DLGAP1: variants seen among roughly 807,000 people sequenced by gnomAD.
The protein encoded by DLGAP1 is disks large-associated protein 1.
In DLGAP1, 11 loss-of-function variants were observed where a neutral mutation model predicts 90.8. The observed-to-expected ratio is 0.12, with a 90% CI of 0.08 to 0.20. The LOEUF (loss-of-function observed/expected upper bound fraction) is 0.20, where lower values mean the gene tolerates loss of function less well. Among genes scored for constraint, DLGAP1 ranks in the 10% least tolerant of loss-of-function variants. The pLI is 1.00. For missense variants in DLGAP1, 1,050 were observed against 1,333.8 expected (o/e 0.79, Z 3.31); for synonymous variants, 558 against 540.7 (o/e 1.03, Z -0.44).
At chr18:4,073,891 A>G (rs1389297336) in intron 2 of DLGAP1, among the ~76,000 whole-genome samples, 1 of 152,168 alleles carries the variant, frequency 6.6e-6, no homozygotes, top group Non-Finnish European at 1.5e-5. Context: ...CAACCAATTA[A>G]GACTTTTTAA....
chr18:3,943,419 A>G (rs898208965), intron 3 of DLGAP1, among the ~76,000 whole-genome samples: 4 of 151,162 alleles, frequency 2.6e-5, no homozygotes, highest in African/African-American at 9.7e-5. Context: ...ATAAACTGCA[A>G]AGATGGAGGA....
intron 7 of DLGAP1, among the ~76,000 whole-genome samples, chr18:3,665,940 G>C (rs1424895623): frequency 1.3e-5 from 2 of 152,166 alleles, no homozygotes; most frequent in Non-Finnish European, 2.9e-5. Flanking sequence ...CTCATCCTTG[G>C]AGGTTAAGGG....
chr18:3,878,661 A>C (rs2148823041), intron 4 of DLGAP1, among the ~76,000 whole-genome samples: 1 of 152,290 alleles, frequency 6.6e-6, no homozygotes, highest in South Asian at 2.1e-4. Context: ...ACATAGCTTC[A>C]GGCAGGATTT....
chr18:3,925,090 C>T (rs1479398836), intron 3 of DLGAP1, among the ~76,000 whole-genome samples: 4 of 151,934 alleles, frequency 2.6e-5, no homozygotes, highest in Non-Finnish European at 5.9e-5. Flanking sequence ...GTAGCTAGGA[C>T]TACAGGCGTG....
Position 3,729,462 on chromosome 18 carries a change from A to G in DLGAP1, c.1351-87T>C. ...AGCATCTGCGAACTTCAATCCCCAG[A>G]AGAAAAAGCAGCGTCTGGTTAGATT... On this transcript the variant is annotated intron_variant, in intron 6 of 12. Transcript: ENST00000315677. The surrounding 1 kb of genome is among the most constrained non-coding windows in gnomAD (Gnocchi z 6.2). 6.6e-7 allele frequency: 1 copy of G among 1,520,578 alleles called. No homozygotes were observed. The highest frequency in any genetic ancestry group is 8.9e-7 in the Non-Finnish European group (1 of 1,128,242). 94.2% of individuals were successfully genotyped at this position (1,520,578 alleles called of 1,614,324 possible). A position where few individuals can be genotyped will look rare whatever the true frequency, so the allele number is the denominator to read the frequency against.
At chr18:4,169,326 A>G (rs891052319) in intron 1 of DLGAP1, among the ~76,000 whole-genome samples, 1 of 152,200 alleles carries the variant, frequency 6.6e-6, no homozygotes, top group African/African-American at 2.4e-5. Context: ...TTCTTAATGT[A>G]TATTTCCCTA....
chr18:3,628,580 G>C (rs532135642), intron 7 of DLGAP1, among the ~76,000 whole-genome samples: 1 of 152,028 alleles, frequency 6.6e-6, no homozygotes, highest in East Asian at 1.9e-4. Flanking sequence ...CACATTCCCC[G>C]TGCATCTTTT....
At chr18:4,296,649 A>G (rs1361552958) in intron 1 of DLGAP1, among the ~76,000 whole-genome samples, 4 of 152,230 alleles carry the variant, frequency 2.6e-5, no homozygotes, top group Admixed American at 6.5e-5. Flanking sequence ...TGTAACGTCT[A>G]CATTCTCTGG....
intron 2 of DLGAP1, among the ~76,000 whole-genome samples, chr18:4,032,480 T>C (rs1379965403): frequency 6.6e-6 from 1 of 152,166 alleles, no homozygotes; most frequent in Non-Finnish European, 1.5e-5. Context: ...CAAAGCTAAG[T>C]CCAGGTTTCT....
chr18:4,228,026 C>A (rs1167677336), intron 1 of DLGAP1, among the ~76,000 whole-genome samples: 1 of 151,380 alleles, frequency 6.6e-6, no homozygotes, highest in Non-Finnish European at 1.5e-5. Context: ...GACTTTCAAC[C>A]CAATACCACT....
intron 7 of DLGAP1, among the ~76,000 whole-genome samples, chr18:3,669,050 T>C (rs1273723297): frequency 6.6e-6 from 1 of 151,932 alleles, no homozygotes; most frequent in Non-Finnish European, 1.5e-5. Context: ...ATGTTAATAT[T>C]CGTACAGCAT....
chr18:3,741,222 TCACCATCACCAC>T (rs2062993939), intron 6 of DLGAP1, among the ~76,000 whole-genome samples: 2 of 51,922 alleles, frequency 3.9e-5, no homozygotes, highest in Non-Finnish European at 7.0e-5. Flanking sequence ...CACCACCACA[TCACCATCACCAC>T]CACCACCATC....
At position 3,548,628 on chromosome 18, in the gene DLGAP1, G is replaced by A. The variant is rs530452675; in HGVS notation, c.2058-14013C>T. 4.3e-4 allele frequency among the ~76,000 whole-genome samples: 65 copies of A among 152,242 alleles called. No individual in the cohort carries two copies. The Middle Eastern group carries it at 0.024, about 56-fold the overall frequency. On this transcript the variant is annotated intron_variant, in intron 9 of 12. Transcript: ENST00000315677. ...CAAAAAATACAAAAATTAGCTGGGC[G>A]TGGTGGTACACCTCGGATCGCGCCA...
Position 4,333,659 on chromosome 18 carries a change from A to T in DLGAP1, c.-267+121347T>A, listed in dbSNP as rs59268899. ...TTTTGAAACAGAGTCTCGCTCTGTC[A>T]CCTAGGCTGGAGTGCAGTGGTGTGA... On this transcript the variant is annotated intron_variant, in intron 1 of 12. Coordinates refer to ENST00000315677, the MANE Select transcript of DLGAP1 (RefSeq NM_004746.4). Among the ~76,000 whole-genome samples the T allele has an allele frequency of 4.9e-3, 717 of 147,114 alleles. 17 individuals are homozygous for T. Among genetic ancestry groups the T allele is most frequent in the African/African-American group, 0.017 (673 of 39,620 alleles).
In DLGAP1 at chr18:3,497,600, T is replaced by G. The variant is rs1305964014; in HGVS notation, c.*1585A>C. ...TTAAAAAGCTTCTCTGGTGCAAGCATGTTTGATGTATGTTTTTAAAAGTCT... is the reference window on the plus strand; with the variant it reads ...TTAAAAAGCTTCTCTGGTGCAAGCAGGTTTGATGTATGTTTTTAAAAGTCT... On this transcript the variant is annotated 3_prime_UTR_variant, in exon 13 of 13. Coordinates refer to ENST00000315677, the MANE Select transcript of DLGAP1 (RefSeq NM_004746.4). 1.3e-5 allele frequency: 2 copies of G among 152,252 alleles called. No homozygotes were observed. The allele number at this position is 152,252 out of a possible 1,614,324, so 9.4% of individuals were successfully genotyped here. A position where few individuals can be genotyped will look rare whatever the true frequency, so the allele number is the denominator to read the frequency against.
At chr18:4,082,202 CG>C (rs1426026725) in intron 2 of DLGAP1, among the ~76,000 whole-genome samples, 3 of 151,706 alleles carry the variant, frequency 2.0e-5, no homozygotes, top group African/African-American at 7.3e-5. Context: ...ATTAGCTGGG[CG>C]TGGCAGTGTA....
At chr18:4,336,627 T>C (rs1020729667) in intron 1 of DLGAP1, among the ~76,000 whole-genome samples, 2 of 152,160 alleles carry the variant, frequency 1.3e-5, no homozygotes, top group African/African-American at 4.8e-5. Context: ...TCTAATCTTA[T>C]CTCATGTAAG....
chr18:4,212,911 T>C (rs929669212), intron 1 of DLGAP1, among the ~76,000 whole-genome samples: 1 of 152,148 alleles, frequency 6.6e-6, no homozygotes, highest in Non-Finnish European at 1.5e-5. Flanking sequence ...AAATTTGTCA[T>C]AAATAAGAGA....
At chr18:3,673,421 C>A (rs891917593) in intron 7 of DLGAP1, among the ~76,000 whole-genome samples, 1 of 152,216 alleles carries the variant, frequency 6.6e-6, no homozygotes, top group Non-Finnish European at 1.5e-5. Context: ...TACTGTCACT[C>A]TTTAGAAGCA....
Sources: allele counts gnomAD v4.1 joint callset (sites outside exome capture counted in the v4.1 genomes callset), GRCh38; gene constraint gnomAD v4.1.1; non-coding constraint Gnocchi (gnomAD v3.1); transcripts MANE v1.5; gene names NCBI Gene and HGNC (gene_info 2026-07-23, HGNC 2026-07-21).